Variants in CSMD1 observed in about 807,000 individuals in gnomAD.
CSMD1 encodes the protein CUB and Sushi multiple domains 1, also known as CUB and sushi domain-containing protein 1.
Under a neutral mutation model 417.5 loss-of-function variants are expected in CSMD1, and 213 were observed. The ratio of observed to expected loss-of-function variants is 0.51; its 90% CI spans 0.46 to 0.57. The LOEUF (loss-of-function observed/expected upper bound fraction) is 0.57, where lower values mean the gene tolerates loss of function less well. Ranked by LOEUF, CSMD1 falls within the 20% of genes least tolerant of loss-of-function variation. The probability of loss-of-function intolerance (pLI) is 0.00; values close to 1 mark genes in which losing one functional copy is unlikely to be tolerated. For missense variants in CSMD1, 6,923 were observed against 4,529.7 expected (o/e 1.53, Z -15.17); for synonymous variants, 2,862 against 1,736.8 (o/e 1.65, Z -16.11).
At chr8:3,443,968 G>C (rs1815150729) in intron 12 of CSMD1, among the ~76,000 whole-genome samples, 1 of 152,180 alleles carries the variant, frequency 6.6e-6, no homozygotes, top group African/African-American at 2.4e-5. Context: ...GACACTGGGT[G>C]AGGAAAGGAC....
At chr8:4,689,293 A>G (rs1256317738) in intron 1 of CSMD1, among the ~76,000 whole-genome samples, 1 of 152,228 alleles carries the variant, frequency 6.6e-6, no homozygotes, top group Non-Finnish European at 1.5e-5. Context: ...TTGGATATGT[A>G]GGAAGGTATA....
chr8:3,870,444 T>C (rs572808757), intron 5 of CSMD1, among the ~76,000 whole-genome samples: 46 of 152,298 alleles, frequency 3.0e-4, no homozygotes, highest in African/African-American at 1.1e-3. Flanking sequence ...TCTTTACATG[T>C]TGGTGGGTAT....
chr8:4,458,951 A>G (rs1799648053), intron 2 of CSMD1, among the ~76,000 whole-genome samples: 1 of 152,244 alleles, frequency 6.6e-6, no homozygotes, highest in Non-Finnish European at 1.5e-5. Flanking sequence ...CTTGTAAACC[A>G]ACGAGGAAAC....
At chr8:4,645,160 T>G (rs369461279) in intron 1 of CSMD1, among the ~76,000 whole-genome samples, 4 of 152,268 alleles carry the variant, frequency 2.6e-5, no homozygotes, top group South Asian at 4.2e-4. Context: ...ATTTTTCTCC[T>G]ACATGCTGTT....
chr8:3,294,526 C>A (rs569587158), intron 25 of CSMD1, among the ~76,000 whole-genome samples: 10 of 151,290 alleles, frequency 6.6e-5, no homozygotes, highest in African/African-American at 2.4e-4. Flanking sequence ...CAATGGCGGG[C>A]GCCCCTCCCC....
intron 2 of CSMD1, among the ~76,000 whole-genome samples, chr8:4,619,238 G>C (rs539315725): frequency 5.3e-5 from 8 of 152,174 alleles, no homozygotes; most frequent in Non-Finnish European, 8.8e-5. Context: ...GTTTTTGAAA[G>C]ACTAATTACA....
chr8:4,408,722 A>T (rs1260143378), intron 3 of CSMD1, among the ~76,000 whole-genome samples: 1 of 152,190 alleles, frequency 6.6e-6, no homozygotes, highest in Admixed American at 6.5e-5. Context: ...TCAGAATATG[A>T]ACCTTGTAGA....
intron 1 of CSMD1, among the ~76,000 whole-genome samples, chr8:4,701,828 G>T (rs371074181): frequency 1.3e-5 from 2 of 152,144 alleles, no homozygotes; most frequent in East Asian, 3.9e-4. Context: ...TACTCTGGAT[G>T]AAGAATCCCA....
At chr8:3,168,064 A>C (rs572098679) in intron 37 of CSMD1, among the ~76,000 whole-genome samples, 2 of 152,294 alleles carry the variant, frequency 1.3e-5, no homozygotes, top group East Asian at 3.9e-4. Context: ...GAAAAAAAAA[A>C]AAAAGATATT....
At chr8:4,245,503 T>C (rs558357241) in intron 3 of CSMD1, among the ~76,000 whole-genome samples, 3 of 152,064 alleles carry the variant, frequency 2.0e-5, no homozygotes, top group Non-Finnish European at 2.9e-5. Flanking sequence ...GAGCCTAAGG[T>C]TGGATGTTTC....
intron 2 of CSMD1, among the ~76,000 whole-genome samples, chr8:4,612,491 C>T (rs895112790): frequency 6.6e-6 from 1 of 152,144 alleles, no homozygotes; most frequent in East Asian, 1.9e-4. Context: ...ATGGAGATGA[C>T]CACAACAGGC....
At chr8:3,027,462 G>A (rs938204089) in intron 51 of CSMD1, among the ~76,000 whole-genome samples, 16 of 152,100 alleles carry the variant, frequency 1.1e-4, no homozygotes, top group African/African-American at 2.2e-4. Context: ...GGGACTCCCC[G>A]GCCAAAGTGT....
At chr8:4,294,134 G>A (rs146999507) in intron 3 of CSMD1, among the ~76,000 whole-genome samples, 26 of 152,272 alleles carry the variant, frequency 1.7e-4, no homozygotes, top group African/African-American at 5.3e-4. Flanking sequence ...TGACACTGAC[G>A]TCTGATTAAC....
chr8:3,734,290 C>T (rs979169814), intron 6 of CSMD1, among the ~76,000 whole-genome samples: 24 of 152,338 alleles, frequency 1.6e-4, no homozygotes, highest in African/African-American at 5.5e-4. Flanking sequence ...CCTAGTGCTT[C>T]CAGGCGGGGT....
chr8:4,235,549 G>A (rs1214218421), intron 3 of CSMD1, among the ~76,000 whole-genome samples: 4 of 151,960 alleles, frequency 2.6e-5, no homozygotes, highest in Admixed American at 6.6e-5. Flanking sequence ...AAAGTGCTCC[G>A]AATATTTTCT....
chr8:3,385,121 A>G (rs1459566154), intron 18 of CSMD1, among the ~76,000 whole-genome samples: 5 of 36,592 alleles, frequency 1.4e-4, no homozygotes, highest in Non-Finnish European at 3.0e-4. Flanking sequence ...AATATATATA[A>G]TATATAAATA....
In CSMD1 at chr8:4,748,628, T is replaced by C. The variant is rs560034816; in HGVS notation, c.86-111070A>G. 3.3e-5 allele frequency among the ~76,000 whole-genome samples: 5 copies of C among 152,326 alleles called. No homozygotes were observed. The South Asian group carries it at 1.0e-3, about 32-fold the overall frequency. On this transcript the variant is annotated intron_variant, in intron 1 of 69. Transcript: ENST00000635120. ...CATAGTGTTTTCATTCTAAATTATT[T>C]ATTGACTGGAATGTCTCCAGAATTT... is the stretch of plus-strand genomic sequence containing the variant.
chr8:4,174,853 T>G (rs1295625448), intron 3 of CSMD1, among the ~76,000 whole-genome samples: 1 of 147,124 alleles, frequency 6.8e-6, no homozygotes, highest in Non-Finnish European at 1.5e-5. Flanking sequence ...CCTCAAAATT[T>G]CAGATAAAAT....
intron 10 of CSMD1, among the ~76,000 whole-genome samples, chr8:3,503,804 T>C (rs1190303737): frequency 6.6e-6 from 1 of 151,306 alleles, no homozygotes; most frequent in Non-Finnish European, 1.5e-5. Flanking sequence ...CCCTCTTTCC[T>C]TGCCCTCCAT....
Sources: allele counts gnomAD v4.1 joint callset (sites outside exome capture counted in the v4.1 genomes callset), GRCh38; gene constraint gnomAD v4.1.1; transcripts MANE v1.5; gene names NCBI Gene and HGNC (gene_info 2026-07-23, HGNC 2026-07-21).